The following SUPT3H variants were observed in gnomAD, a reference collection of about 807,000 sequenced individuals.
The protein encoded by SUPT3H is transcription initiation protein SPT3 homolog.
Under a neutral mutation model 44.3 loss-of-function variants are expected in SUPT3H, and 44 were observed. The observed-to-expected ratio is 0.99, with a 90% CI of 0.78 to 1.28. SUPT3H has a LOEUF of 1.28. Ranked by LOEUF, SUPT3H falls within the 50% of genes most tolerant of loss-of-function variation. SUPT3H has a pLI of 0.00. For synonymous variants in SUPT3H, 124 were observed against 125.6 expected (o/e 0.99, Z 0.09); for missense variants, 380 against 387.1 (o/e 0.98, Z 0.15).
intron 2 of SUPT3H, among the ~76,000 whole-genome samples, chr6:45,142,736 C>CAAAAAAAAAAAAAAAAAAAAAAAAAAA (rs70993502): frequency 6.7e-5 from 1 of 14,960 alleles, no homozygotes; most frequent in Non-Finnish European, 1.1e-4. Flanking sequence ...AACTCCGTCT[C>CAAAAAAAAAAAAAAAAAAAAAAAAAAA]AAAAAAAAAA....
intron 10 of SUPT3H, among the ~76,000 whole-genome samples, chr6:44,920,037 C>G (rs541511324): frequency 6.6e-6 from 1 of 152,010 alleles, no homozygotes; most frequent in Admixed American, 6.6e-5. Context: ...TGCCACCACA[C>G]CCGGCTAATT....
At chr6:44,855,049 T>C (rs910027630) in intron 10 of SUPT3H, among the ~76,000 whole-genome samples, 4 of 152,220 alleles carry the variant, frequency 2.6e-5, no homozygotes, top group East Asian at 1.9e-4. Context: ...GTTGTGCAAC[T>C]TGCAATTCTT....
At chr6:45,188,625 C>T (rs1562648689) in intron 2 of SUPT3H, among the ~76,000 whole-genome samples, 1 of 152,088 alleles carries the variant, frequency 6.6e-6, no homozygotes, top group African/African-American at 2.4e-5. Flanking sequence ...CCTGTTACAA[C>T]ATTTGTAAAT....
chr6:44,916,070 T>C (rs1385502335), intron 10 of SUPT3H, among the ~76,000 whole-genome samples: 1 of 152,228 alleles, frequency 6.6e-6, no homozygotes, highest in Non-Finnish European at 1.5e-5. Flanking sequence ...TTTTCTCATC[T>C]AGATGTTTGA....
At chr6:44,834,111 G>A (rs1400799263) in intron 10 of SUPT3H, among the ~76,000 whole-genome samples, 2 of 152,136 alleles carry the variant, frequency 1.3e-5, no homozygotes, top group African/African-American at 4.8e-5. Context: ...GGTCTGAGTG[G>A]AGATTAGGCT....
At chr6:45,074,178 C>T (rs1392460044) in intron 3 of SUPT3H, among the ~76,000 whole-genome samples, 1 of 151,838 alleles carries the variant, frequency 6.6e-6, no homozygotes, top group Non-Finnish European at 1.5e-5. Context: ...CAAAAAAGCT[C>T]CACTATCTAT....
intron 2 of SUPT3H, among the ~76,000 whole-genome samples, chr6:45,255,173 CTA>C (rs1272612719): frequency 6.6e-6 from 1 of 152,010 alleles, no homozygotes; most frequent in East Asian, 1.9e-4. Flanking sequence ...GGAAAAAACA[CTA>C]TATATATAGA....
intron 2 of SUPT3H, among the ~76,000 whole-genome samples, chr6:45,281,010 G>GT (rs1329512071): frequency 2.0e-5 from 3 of 152,194 alleles, no homozygotes; most frequent in Admixed American, 2.0e-4. Flanking sequence ...TAGATTATTT[G>GT]TTTTTCAAAG....
intron 2 of SUPT3H, among the ~76,000 whole-genome samples, chr6:45,178,436 A>T (rs1812436882): frequency 2.0e-5 from 3 of 152,140 alleles, no homozygotes; most frequent in Middle Eastern, 3.4e-3. Context: ...TGACCTACAA[A>T]GAGACTTAGA....
chr6:44,857,555 C>G (rs1406671556), intron 10 of SUPT3H, among the ~76,000 whole-genome samples: 1 of 152,146 alleles, frequency 6.6e-6, no homozygotes. Context: ...AATAAGTAAT[C>G]CAGCTCTTCT....
intron 2 of SUPT3H, among the ~76,000 whole-genome samples, chr6:45,170,341 A>AT (rs541316741): frequency 3.3e-4 from 51 of 152,258 alleles, no homozygotes; most frequent in African/African-American, 9.6e-4. Context: ...TGTTTCCTCA[A>AT]TTTTTTCTGG....
intron 2 of SUPT3H, among the ~76,000 whole-genome samples, chr6:45,126,801 G>A (rs1802502024): frequency 6.6e-6 from 1 of 152,132 alleles, no homozygotes; most frequent in Non-Finnish European, 1.5e-5. Flanking sequence ...AAAGTGTTTT[G>A]AAGGATTCCA....
At chr6:45,335,980 T>C (rs1788467765) in intron 2 of SUPT3H, among the ~76,000 whole-genome samples, 1 of 151,302 alleles carries the variant, frequency 6.6e-6, no homozygotes, top group African/African-American at 2.4e-5. Flanking sequence ...AAAGACAATG[T>C]GCTACAGTGT....
At chr6:45,214,121 C>G (rs2153631951) in intron 2 of SUPT3H, among the ~76,000 whole-genome samples, 1 of 150,574 alleles carries the variant, frequency 6.6e-6, no homozygotes, top group East Asian at 1.9e-4. Context: ...CAGCTCACAG[C>G]TACAGTATCA....
At chr6:45,147,788 C>T (rs762684074) in intron 2 of SUPT3H, among the ~76,000 whole-genome samples, 2 of 151,454 alleles carry the variant, frequency 1.3e-5, no homozygotes, top group Non-Finnish European at 2.9e-5. Context: ...GTGCTAGAAA[C>T]AGGAAAGGGG....
intron 2 of SUPT3H, among the ~76,000 whole-genome samples, chr6:45,170,465 T>C (rs987897854): frequency 3.9e-5 from 6 of 152,220 alleles, no homozygotes; most frequent in Non-Finnish European, 7.3e-5. Context: ...AAAATGTTTA[T>C]GTTCATTGAC....
chr6:45,029,111 T>G (rs1786507460), intron 3 of SUPT3H, among the ~76,000 whole-genome samples: 1 of 151,732 alleles, frequency 6.6e-6, no homozygotes, highest in Admixed American at 6.6e-5. Context: ...TTATTCTTTT[T>G]TGATGATTGG....
At chr6:45,051,396 C>G (rs1318052082) in intron 3 of SUPT3H, among the ~76,000 whole-genome samples, 3 of 151,816 alleles carry the variant, frequency 2.0e-5, no homozygotes, top group African/African-American at 4.8e-5. Context: ...TAGGAAATAA[C>G]TTGTTAGAAA....
At chr6:44,911,676 GC>G (rs1245239406) in intron 10 of SUPT3H, among the ~76,000 whole-genome samples, 2 of 152,050 alleles carry the variant, frequency 1.3e-5, no homozygotes, top group Non-Finnish European at 2.9e-5. Context: ...CCATATAGTT[GC>G]CAATATAAGG....
Sources: allele counts gnomAD v4.1 joint callset (sites outside exome capture counted in the v4.1 genomes callset), GRCh38; gene constraint gnomAD v4.1.1; transcripts MANE v1.5; gene names NCBI Gene and HGNC (gene_info 2026-07-23, HGNC 2026-07-21).